The following GPATCH2L variants were observed in gnomAD, a reference collection of about 807,000 sequenced individuals.
GPATCH2L encodes G-patch domain containing 2 like.
A neutral mutation model predicts 57.4 loss-of-function variants in GPATCH2L; 31 were observed. The observed-to-expected ratio is 0.54, with a 90% CI of 0.41 to 0.73. The LOEUF is 0.73. Among genes scored for constraint, GPATCH2L ranks in the 30% least tolerant of loss-of-function variants. The pLI is 0.00. For synonymous variants in GPATCH2L, 199 were observed against 210.7 expected (o/e 0.94, Z 0.48); for missense variants, 481 against 599.9 (o/e 0.80, Z 2.07).
chr14:76,157,351 C>T (rs990449116), intron 2 of GPATCH2L, among the ~76,000 whole-genome samples: 1 of 152,106 alleles, frequency 6.6e-6, no homozygotes, highest in Non-Finnish European at 1.5e-5. Context: ...GTTAGGCACA[C>T]CTTTAAAAAG....
At position 76,201,788 on chromosome 14, in the gene GPATCH2L, C is replaced by T. The variant is rs1305100776; in HGVS notation, c.1386C>T (p.Ala462=). The part of the protein sequence containing the change: ...WLVRTSAAEK[A]TDATTATFFK... Reference sequence around the variant, plus strand: ...TGAGGACCTCTGCAGCAGAGAAAGCCACAGACGCAACTACTGCTACATTTT... The same window carrying T: ...TGAGGACCTCTGCAGCAGAGAAAGCTACAGACGCAACTACTGCTACATTTT... The change falls in exon 10 of 10, where the codon GCC becomes GCT. Residue 462 remains alanine (A), a synonymous_variant. Coordinates refer to ENST00000261530, the MANE Select transcript of GPATCH2L (RefSeq NM_017926.4). 8.1e-6 allele frequency: 13 copies of T among 1,613,824 alleles called. No individual in the cohort carries two copies. The Admixed American group carries it at 2.0e-4, about 25-fold the overall frequency.
Position 76,207,686 on chromosome 14 carries a change from C to G in GPATCH2L, c.*5835C>G, listed in dbSNP as rs2040394800. 1 of 152,094 alleles carries G rather than the reference C, an allele frequency of 6.6e-6. No homozygotes were observed. Among genetic ancestry groups the G allele is most frequent in the Admixed American group, 6.5e-5 (1 of 15,274 alleles). The allele number at this position is 152,094 out of a possible 1,614,324, so 9.4% of individuals were successfully genotyped here. On this transcript the variant is annotated 3_prime_UTR_variant, in exon 10 of 10. Transcript: ENST00000261530. ...ATCCCACTTAATCACACCGTGTTTTCTTTTTTTAGATTTCAGCTAGCAATT... is the reference window on the plus strand; with the variant it reads ...ATCCCACTTAATCACACCGTGTTTTGTTTTTTTAGATTTCAGCTAGCAATT...
At chr14:76,227,963 A>G (rs1258897355) in intron 1 of GPATCH2L, among the ~76,000 whole-genome samples, 2 of 152,184 alleles carry the variant, frequency 1.3e-5, no homozygotes, top group South Asian at 2.1e-4. Flanking sequence ...AGGGAAAACC[A>G]TCTACTCACT....
intron 1 of GPATCH2L, among the ~76,000 whole-genome samples, chr14:76,224,136 GA>G (rs111435148): frequency 0.022 from 3,371 of 152,252 alleles, 75 homozygotes; most frequent in South Asian, 0.078. Flanking sequence ...ACACCAGACA[GA>G]AAAGGCCATA....
intron 2 of GPATCH2L, among the ~76,000 whole-genome samples, chr14:76,162,431 A>C (rs139640410): frequency 6.6e-6 from 1 of 152,308 alleles, no homozygotes; most frequent in Non-Finnish European, 1.5e-5. Context: ...TAATTGCAGA[A>C]GTGGCAACCT....
chr14:76,228,351 G>A (rs980351644), intron 1 of GPATCH2L, among the ~76,000 whole-genome samples: 4 of 152,078 alleles, frequency 2.6e-5, no homozygotes, highest in Admixed American at 1.3e-4. Context: ...GTGTGTGTGC[G>A]TGCGCGCGCG....
chr14:76,211,940 G>A lies in GPATCH2L; in HGVS notation c.*10089G>A, dbSNP rs1044119208. 3 of 152,042 alleles carry A rather than the reference G, an allele frequency of 2.0e-5. No individual in the cohort carries two copies. The highest frequency in any genetic ancestry group is 2.9e-5 in the Non-Finnish European group (2 of 67,946). 9.4% of individuals were successfully genotyped at this position (152,042 alleles called of 1,614,324 possible). A position where few individuals can be genotyped will look rare whatever the true frequency, so the allele number is the denominator to read the frequency against. ...CCAGCATTTTAAATTAGGCGATGCAGTCTAGCTTTTGTACATAGAAATAAG... is the reference window on the plus strand; with the variant it reads ...CCAGCATTTTAAATTAGGCGATGCAATCTAGCTTTTGTACATAGAAATAAG... On this transcript the variant is annotated 3_prime_UTR_variant, in exon 10 of 10. Coordinates refer to ENST00000261530, the MANE Select transcript of GPATCH2L (RefSeq NM_017926.4).
At chr14:76,152,660 T>C (rs2038107141) in intron 1 of GPATCH2L, 1 of 455,976 alleles carries the variant, frequency 2.2e-6, no homozygotes, top group East Asian at 6.9e-5. Flanking sequence ...CTTTTGTCAC[T>C]ACTGTTGGAA....
chr14:76,169,043 T>C (rs2038970833), intron 3 of GPATCH2L, among the ~76,000 whole-genome samples: 1 of 152,240 alleles, frequency 6.6e-6, no homozygotes, highest in South Asian at 2.1e-4. Flanking sequence ...CTGTGCTGGC[T>C]CCACCTGATG....
chr14:76,158,967 A>G (rs527842930), intron 2 of GPATCH2L, among the ~76,000 whole-genome samples: 1 of 152,330 alleles, frequency 6.6e-6, no homozygotes, highest in East Asian at 1.9e-4. Context: ...GCTCCACAGG[A>G]CAGAACTCAG....
At chr14:76,153,825 TG>T (rs1221319720) in intron 1 of GPATCH2L, 3 of 152,304 alleles carry the variant, frequency 2.0e-5, no homozygotes, top group Non-Finnish European at 2.9e-5. Flanking sequence ...CTTTCTGCCA[TG>T]GTCATTGTCA....
In GPATCH2L at chr14:76,207,257, A is replaced by C. The variant is rs1401971111; in HGVS notation, c.*5406A>C. 6.6e-6 allele frequency: 1 copy of C among 152,232 alleles called. No individual in the cohort carries two copies. Among genetic ancestry groups the C allele is most frequent in the African/African-American group, 2.4e-5 (1 of 41,464 alleles). The allele number at this position is 152,232 out of a possible 1,614,324, so 9.4% of individuals were successfully genotyped here. A position where few individuals can be genotyped will look rare whatever the true frequency, so the allele number is the denominator to read the frequency against. ...CTCAAGCCCAGGAGGTTGAGGGTGC[A>C]GTGAGCCATGATCTGGCCACTGCAC... On this transcript the variant is annotated 3_prime_UTR_variant, in exon 10 of 10. Transcript: ENST00000261530.
intron 2 of GPATCH2L, among the ~76,000 whole-genome samples, chr14:76,231,797 GATGTTATT>G (rs1273785728): frequency 1.1e-4 from 17 of 152,070 alleles, no homozygotes; most frequent in African/African-American, 3.6e-4. Context: ...AATTTCTGTG[GATGTTATT>G]CTACATGTAT....
At position 76,180,805 on chromosome 14, in the gene GPATCH2L, C is replaced by T. The variant is rs150667017; in HGVS notation, c.1149C>T (p.Ala383=). 3.0e-4 allele frequency: 490 copies of T among 1,613,352 alleles called. No individual in the cohort carries two copies. The highest frequency in any genetic ancestry group is 3.7e-4 in the Non-Finnish European group (442 of 1,179,298). Residue 383 remains alanine, a synonymous_variant, in exon 8 of 10, where the codon GCC becomes GCT. Transcript: ENST00000261530. ...LSPLYSLDVL[A]DASHRRCSPA... ...CCCTTTACTCCCTGGATGTTCTTGCCGATGCTTCTCACCGAAGGTGTTCAC... is the reference window on the plus strand; with the variant it reads ...CCCTTTACTCCCTGGATGTTCTTGCTGATGCTTCTCACCGAAGGTGTTCAC...
chr14:76,159,098 G>C (rs1487067560), intron 2 of GPATCH2L, among the ~76,000 whole-genome samples: 1 of 152,192 alleles, frequency 6.6e-6, no homozygotes, highest in Admixed American at 6.5e-5. Context: ...TTCTAGATCA[G>C]GTGGGGGGAT....
intron 4 of GPATCH2L, among the ~76,000 whole-genome samples, chr14:76,173,324 A>G (rs1167918165): frequency 3.9e-5 from 6 of 152,064 alleles, no homozygotes; most frequent in Non-Finnish European, 8.8e-5. Flanking sequence ...TCCCTCTTTT[A>G]TAGATGGAGG....
At chr14:76,187,584 T>G (rs2039816465) in intron 8 of GPATCH2L, among the ~76,000 whole-genome samples, 4 of 152,170 alleles carry the variant, frequency 2.6e-5, no homozygotes, top group Admixed American at 1.3e-4. Context: ...CTTTCTAATT[T>G]TTAATTTTTG....
chr14:76,212,718 G>C lies in GPATCH2L; in HGVS notation c.*10867G>C, dbSNP rs2040455436. ...GTATCCATGAAACATTTCCCCATTT[G>C]ACTGTGTATTAGAGCGTACAGAAAA... On this transcript the variant is annotated 3_prime_UTR_variant, in exon 10 of 10. Coordinates refer to ENST00000261530, the MANE Select transcript of GPATCH2L (RefSeq NM_017926.4). 1 of 152,064 alleles carries C rather than the reference G, an allele frequency of 6.6e-6. No homozygotes were observed. Among genetic ancestry groups the C allele is most frequent in the African/African-American group, 2.4e-5 (1 of 41,384 alleles). 9.4% of individuals were successfully genotyped at this position (152,064 alleles called of 1,614,324 possible).
chr14:76,159,026 T>C (rs1376871959), intron 2 of GPATCH2L, among the ~76,000 whole-genome samples: 1 of 152,178 alleles, frequency 6.6e-6, no homozygotes, highest in Admixed American at 6.5e-5. Flanking sequence ...AAAAATAAGA[T>C]TCTAAAAATT....
Sources: allele counts gnomAD v4.1 joint callset (sites outside exome capture counted in the v4.1 genomes callset), GRCh38; gene constraint gnomAD v4.1.1; transcripts MANE v1.5; gene names NCBI Gene and HGNC (gene_info 2026-07-23, HGNC 2026-07-21).